The following VPS8 variants were observed in gnomAD, a reference collection of about 807,000 sequenced individuals.
VPS8 encodes VPS8 subunit of CORVET complex.
Under a neutral mutation model 216.4 loss-of-function variants are expected in VPS8, and 129 were observed. The observed-to-expected ratio is 0.60, with a 90% CI of 0.52 to 0.69. The LOEUF (loss-of-function observed/expected upper bound fraction) is 0.69. Ranked by LOEUF, VPS8 falls within the 30% of genes least tolerant of loss-of-function variation. The pLI is 0.00. For missense variants in VPS8, 1,531 were observed against 1,683.5 expected, an observed-to-expected ratio of 0.91 and a Z score of 1.59; for synonymous variants, 571 against 565.4, an observed-to-expected ratio of 1.01 and a Z score of -0.14.
chr3:184,910,213 A>G (rs1353265411), intron 25 of VPS8, among the ~76,000 whole-genome samples: 1 of 148,234 alleles, frequency 6.7e-6, no homozygotes. Context: ...GGCTCACTGC[A>G]AGCTCCGCCT....
chr3:184,984,191 A>AC, intron 42 of VPS8, among the ~76,000 whole-genome samples: 1 of 50 alleles, frequency 0.02, no homozygotes, highest in Non-Finnish European at 0.036. Context: ...CTCAAAAAAA[A>AC]AAACTCTACT....
At chr3:184,915,500 GT>G in intron 28 of VPS8, 26 bp downstream of exon 28, 1 of 1,606,732 alleles carries the variant, frequency 6.2e-7, no homozygotes, top group Non-Finnish European at 8.5e-7. Context: ...ATTTTAAGGT[GT>G]TTTCAAAGAA....
chr3:185,033,598 G>A (rs1758478058), intron 46 of VPS8, among the ~76,000 whole-genome samples: 1 of 152,184 alleles, frequency 6.6e-6, no homozygotes. Flanking sequence ...GCCATGTGTA[G>A]GATTTTGCAT....
chr3:185,037,314 G>A (rs1034217786), intron 46 of VPS8, among the ~76,000 whole-genome samples: 2 of 151,908 alleles, frequency 1.3e-5, no homozygotes, highest in Non-Finnish European at 2.9e-5. Context: ...TCTGCTGTTA[G>A]TTTTATTGGG....
At position 184,918,486 on chromosome 3, in the gene VPS8, A is replaced by G. The variant is rs1264659881; in HGVS notation, c.2383-1641A>G. 5.9e-5 allele frequency among the ~76,000 whole-genome samples: 9 copies of G among 152,302 alleles called. No individual in the cohort carries two copies. In the East Asian group the frequency reaches 1.7e-3, roughly 29 times the overall value. Reference sequence around the variant, plus strand: ...TTTGTGGGATGATAATGGTCTAACAATGTGCCATTTTGGTGGCAGATGTTA... The same window carrying G: ...TTTGTGGGATGATAATGGTCTAACAGTGTGCCATTTTGGTGGCAGATGTTA... On this transcript the variant is annotated intron_variant, in intron 28 of 47. Coordinates refer to ENST00000625842, the MANE Select transcript of VPS8 (RefSeq NM_001009921.3).
intron 43 of VPS8, among the ~76,000 whole-genome samples, chr3:184,995,865 T>C (rs1414626840): frequency 6.6e-6 from 1 of 152,206 alleles, no homozygotes; most frequent in East Asian, 1.9e-4. Context: ...GGCCATTAGC[T>C]TTACTAGTGA....
In VPS8 at chr3:184,930,468, A is replaced by G. The variant is rs1341054365; in HGVS notation, c.2800-2A>G. On this transcript the variant is annotated splice_acceptor_variant, in intron 33 of 47. Coordinates refer to ENST00000625842, the MANE Select transcript of VPS8 (RefSeq NM_001009921.3). LOFTEE classifies it high-confidence loss of function. ...TAAATTATATTGTCTTGTGCTCTTC[A>G]GGAAGAAGTCTTTAATTACATTCAC... 6.2e-7 allele frequency: 1 copy of G among 1,606,922 alleles called. No individual in the cohort carries two copies.
intron 45 of VPS8, among the ~76,000 whole-genome samples, chr3:185,019,393 A>T (rs1337349063): frequency 6.6e-6 from 1 of 152,178 alleles, no homozygotes; most frequent in Non-Finnish European, 1.5e-5. Flanking sequence ...GGAGTGGAAA[A>T]TCAGGAGTCT....
At chr3:184,946,826 T>G (rs1225053072) in intron 36 of VPS8, among the ~76,000 whole-genome samples, 1 of 152,108 alleles carries the variant, frequency 6.6e-6, no homozygotes, top group Non-Finnish European at 1.5e-5. Flanking sequence ...TAAAGTCATT[T>G]TAGGGAAAAA....
intron 5 of VPS8, 22 bp from the exon 6 acceptor site, chr3:184,838,692 C>T (rs1466550941): frequency 3.9e-6 from 6 of 1,527,234 alleles, no homozygotes; most frequent in Non-Finnish European, 2.6e-6. Flanking sequence ...TTTTCAAATA[C>T]TTTCTTTAAA....
chr3:185,001,330 A>G (rs1753393599), intron 45 of VPS8, among the ~76,000 whole-genome samples: 1 of 152,184 alleles, frequency 6.6e-6, no homozygotes, highest in Non-Finnish European at 1.5e-5. Flanking sequence ...CTTGGCTGCA[A>G]ATTCAGTGGT....
chr3:184,900,133 C>T (rs1009689714), intron 24 of VPS8, among the ~76,000 whole-genome samples: 2 of 152,066 alleles, frequency 1.3e-5, no homozygotes, highest in South Asian at 4.1e-4. Flanking sequence ...AAGAATAGTG[C>T]CTTGAGTTGG....
chr3:185,024,138 T>A (rs1757032669), intron 45 of VPS8, among the ~76,000 whole-genome samples, 198 bp from the exon 46 acceptor site: 1 of 152,194 alleles, frequency 6.6e-6, no homozygotes, highest in Non-Finnish European at 1.5e-5. Context: ...TATTTTTTTC[T>A]TGGTTCACTA....
At chr3:184,819,713 A>G (rs1007513349) in intron 1 of VPS8, among the ~76,000 whole-genome samples, 2 of 152,190 alleles carry the variant, frequency 1.3e-5, no homozygotes, top group African/African-American at 2.4e-5. Flanking sequence ...CCCTTGAACA[A>G]TGCGGGGGTT....
intron 39 of VPS8, among the ~76,000 whole-genome samples, chr3:184,968,558 A>G (rs1372275468): frequency 1.3e-5 from 2 of 152,104 alleles, no homozygotes; most frequent in Non-Finnish European, 2.9e-5. Flanking sequence ...TCTTTTTTTT[A>G]ATAGTAGCTA....
intron 40 of VPS8, among the ~76,000 whole-genome samples, chr3:184,981,645 A>T (rs1750235642): frequency 1.3e-5 from 2 of 152,064 alleles, no homozygotes. Flanking sequence ...CATGTTGCCC[A>T]GGCTGGTCTT....
chr3:185,051,135 A>G (rs1714138629), intron 47 of VPS8, among the ~76,000 whole-genome samples: 1 of 152,178 alleles, frequency 6.6e-6, no homozygotes, highest in African/African-American at 2.4e-5. Flanking sequence ...TTTAGGTGAA[A>G]GGGATGGTCC....
intron 46 of VPS8, among the ~76,000 whole-genome samples, chr3:185,034,208 A>G (rs1203083301): frequency 6.6e-6 from 1 of 152,208 alleles, no homozygotes; most frequent in East Asian, 1.9e-4. Flanking sequence ...GTGTTACTGC[A>G]AAGGATGTGA....
chr3:184,871,316 A>G (rs1728313972), intron 21 of VPS8, among the ~76,000 whole-genome samples: 1 of 151,936 alleles, frequency 6.6e-6, no homozygotes, highest in Non-Finnish European at 1.5e-5. Context: ...ACGTGTATGT[A>G]TTTATTATGC....
Sources: gnomAD v4.1 joint callset for allele counts (sites outside exome capture counted in the v4.1 genomes callset) on GRCh38, gnomAD v4.1.1 for gene constraint, MANE v1.5 for transcripts, NCBI Gene and HGNC (gene_info 2026-07-23, HGNC 2026-07-21) for gene names.